Variants in CELF2 observed in about 807,000 individuals in gnomAD.
The protein encoded by CELF2 is CUG triplet repeat RNA-binding protein 2.
Under a neutral mutation model 62.6 loss-of-function variants are expected in CELF2, and 8 were observed. The ratio of observed to expected loss-of-function variants is 0.13; its 90% CI spans 0.07 to 0.23. The LOEUF (loss-of-function observed/expected upper bound fraction) is 0.23, where lower values mean the gene tolerates loss of function less well. Among genes scored for constraint, CELF2 ranks in the 10% least tolerant of loss-of-function variants. The probability of loss-of-function intolerance (pLI) is 1.00; values close to 1 mark genes in which losing one functional copy is unlikely to be tolerated. For synonymous variants in CELF2, 258 were observed against 250.0 expected, an observed-to-expected ratio of 1.03 and a Z score of -0.30; for missense variants, 333 against 671.0, an observed-to-expected ratio of 0.50 and a Z score of 5.56.
chr10:10,544,856 A>G, the CELF2 span, among the ~76,000 whole-genome samples: 495 of 152,342 alleles, frequency 3.2e-3, 2 homozygotes, highest in Middle Eastern at 0.017. Context: ...CCAATAGCAC[A>G]TGTAAAATCA....
the CELF2 span, among the ~76,000 whole-genome samples, chr10:10,640,810 G>A: frequency 6.6e-6 from 1 of 152,106 alleles, no homozygotes. Context: ...AAAATCCTTG[G>A]TTTTATTTCT....
the CELF2 span, among the ~76,000 whole-genome samples, chr10:10,485,054 C>T: frequency 6.6e-6 from 1 of 152,106 alleles, no homozygotes; most frequent in East Asian, 1.9e-4. Context: ...TCTGACATTT[C>T]ACTGGGGCAG....
At chr10:11,168,812 C>T (rs1019938343) in intron 2 of CELF2, 5 of 152,194 alleles carry the variant, frequency 3.3e-5, no homozygotes, top group Admixed American at 6.5e-5. Context: ...ATCATCCTTT[C>T]AGGGTTCGAG....
chr10:10,740,763 GAT>G, the CELF2 span, among the ~76,000 whole-genome samples: 2 of 152,214 alleles, frequency 1.3e-5, no homozygotes, highest in Non-Finnish European at 2.9e-5. Context: ...TTTAAAAAGA[GAT>G]ACTGCCATTT....
chr10:10,642,004 A>G, the CELF2 span, among the ~76,000 whole-genome samples: 1 of 152,086 alleles, frequency 6.6e-6, no homozygotes, highest in Non-Finnish European at 1.5e-5. Context: ...CACTGTTTCT[A>G]TTCCTTATTC....
At chr10:10,844,361 A>C (rs2058878481) in intron 1 of CELF2, among the ~76,000 whole-genome samples, 1 of 152,076 alleles carries the variant, frequency 6.6e-6, no homozygotes, top group Non-Finnish European at 1.5e-5. Flanking sequence ...GCTGGAGAAA[A>C]ATAAGGAGTA....
chr10:11,114,019 T>C (rs2055927073), intron 1 of CELF2, among the ~76,000 whole-genome samples: 1 of 152,214 alleles, frequency 6.6e-6, no homozygotes, highest in Non-Finnish European at 1.5e-5. Flanking sequence ...TCAATTAAAG[T>C]AGTAATTGGG....
chr10:11,181,198 T>C (rs186348614), intron 2 of CELF2, among the ~76,000 whole-genome samples: 3 of 152,336 alleles, frequency 2.0e-5, no homozygotes, highest in Non-Finnish European at 4.4e-5. Context: ...CTAAATATTT[T>C]GTTGGTAGCA....
chr10:11,106,662 T>A (rs1397130610), intron 1 of CELF2, among the ~76,000 whole-genome samples: 1 of 152,266 alleles, frequency 6.6e-6, no homozygotes, highest in Non-Finnish European at 1.5e-5. Context: ...GAAGTAGATA[T>A]TTTAAGCAAG....
At chr10:10,866,745 A>G (rs2060398423) in intron 1 of CELF2, among the ~76,000 whole-genome samples, 1 of 151,434 alleles carries the variant, frequency 6.6e-6, no homozygotes, top group African/African-American at 2.4e-5. Context: ...TCACGGTAAA[A>G]CCCCATCTTT....
chr10:11,020,078 T>G (rs573375763), intron 1 of CELF2, among the ~76,000 whole-genome samples: 18 of 152,320 alleles, frequency 1.2e-4, no homozygotes, highest in African/African-American at 4.3e-4. Context: ...ATCCTTTTCA[T>G]TTGGTGGATG....
chr10:10,797,669 A>G (rs1266081939), upstream of CELF2, among the ~76,000 whole-genome samples: 2 of 152,200 alleles, frequency 1.3e-5, no homozygotes, highest in African/African-American at 4.8e-5. Context: ...TCCGGAAGCC[A>G]CTGGACCAGA....
chr10:10,668,612 C>G, the CELF2 span, among the ~76,000 whole-genome samples: 45,312 of 152,098 alleles, frequency 0.3, 7,271 homozygotes, highest in South Asian at 0.52. Flanking sequence ...GGTTTTATTT[C>G]TTGTTTTGTT....
chr10:10,533,623 T>C, the CELF2 span, among the ~76,000 whole-genome samples: 1,511 of 152,358 alleles, frequency 9.9e-3, 20 homozygotes, highest in African/African-American at 0.035. Flanking sequence ...GCTGTCTGTA[T>C]GCCCTTGGGC....
At chr10:10,651,341 G>A in the CELF2 span, among the ~76,000 whole-genome samples, 898 of 148,982 alleles carry the variant, frequency 6.0e-3, 8 homozygotes, top group Non-Finnish European at 8.2e-3. Flanking sequence ...CAAAGCAGCG[G>A]GGAAGCTCGA....
In CELF2 at chr10:10,876,907, G is replaced by T. The variant is rs557139684; in HGVS notation, c.54-43057G>T. 5.3e-5 allele frequency among the ~76,000 whole-genome samples: 8 copies of T among 152,360 alleles called. No individual in the cohort carries two copies. The South Asian group carries it at 1.5e-3, about 28-fold the overall frequency. On this transcript the variant is annotated intron_variant, in intron 1 of 13. Transcript: ENST00000636488. ...GCATGTGTGTTTGTGTGCAACACAT[G>T]GTTGCATGTATGTAGGATGGAGATT...
intron 2 of CELF2, among the ~76,000 whole-genome samples, chr10:10,925,928 C>T (rs1166926341): frequency 1.3e-5 from 2 of 152,202 alleles, no homozygotes; most frequent in Non-Finnish European, 2.9e-5. Context: ...GTTCTCTCTT[C>T]CTCCCTGCCC....
intron 2 of CELF2, among the ~76,000 whole-genome samples, chr10:10,975,922 A>C (rs936642408): frequency 1.8e-4 from 27 of 152,234 alleles, no homozygotes; most frequent in African/African-American, 6.3e-4. Flanking sequence ...CTATAAACCC[A>C]CTTTCAATTA....
chr10:10,634,754 C>A, the CELF2 span, among the ~76,000 whole-genome samples: 1 of 150,264 alleles, frequency 6.7e-6, no homozygotes, highest in East Asian at 2.0e-4. Context: ...CTCCACCTCC[C>A]GGGTTCAAGC....
Sources: allele counts gnomAD v4.1 joint callset (sites outside exome capture counted in the v4.1 genomes callset), GRCh38; gene constraint gnomAD v4.1.1; transcripts MANE v1.5; gene names NCBI Gene and HGNC (gene_info 2026-07-23, HGNC 2026-07-21).